Variants in NSL1 observed in about 807,000 individuals in gnomAD.
The protein encoded by NSL1 is NSL1 component of MIS12 kinetochore complex.
Under a neutral mutation model 25.4 loss-of-function variants are expected in NSL1, and 11 were observed. The ratio of observed to expected loss-of-function variants is 0.43; its 90% confidence interval spans 0.27 to 0.72. NSL1 has a LOEUF of 0.72. Among genes scored for constraint, NSL1 ranks in the 30% least tolerant of loss-of-function variants. NSL1 has a pLI of 0.19. For missense variants in NSL1, 330 were observed against 342.7 expected (o/e 0.96, Z 0.29); for synonymous variants, 118 against 120.6 (o/e 0.98, Z 0.14).
chr1:212,769,306 A>C (rs533047239), intron 4 of NSL1, among the ~76,000 whole-genome samples: 1 of 152,202 alleles, frequency 6.6e-6, no homozygotes, highest in Admixed American at 6.5e-5. Context: ...GTCTTCACCA[A>C]GGCACATTAT....
intron 4 of NSL1, among the ~76,000 whole-genome samples, chr1:212,770,340 CT>C (rs144920963): frequency 0.023 from 3,460 of 152,188 alleles, 61 homozygotes; most frequent in South Asian, 0.041. Flanking sequence ...GGCATTATAA[CT>C]GATACCACAG....
intron 4 of NSL1, among the ~76,000 whole-genome samples, chr1:212,753,253 T>C (rs1050283351): frequency 2.0e-5 from 3 of 151,978 alleles, no homozygotes; most frequent in African/African-American, 4.8e-5. Flanking sequence ...TGACCCTCGC[T>C]CGTTATTATC....
chr1:212,756,456 T>C (rs1659313117), intron 4 of NSL1, among the ~76,000 whole-genome samples: 1 of 152,188 alleles, frequency 6.6e-6, no homozygotes, highest in South Asian at 2.1e-4. Context: ...TTCAATCCTA[T>C]TTATATAAAA....
intron 3 of NSL1, among the ~76,000 whole-genome samples, chr1:212,782,831 TG>T (rs1460363440): frequency 6.6e-6 from 1 of 152,128 alleles, no homozygotes; most frequent in East Asian, 1.9e-4. Flanking sequence ...TTCTAAAAGG[TG>T]GCGAGGCTAC....
At position 212,731,266 on chromosome 1, in the gene NSL1, CTG is replaced by C; in HGVS notation, c.*7140_*7141del. ...AATAGTAAGTCTTATCTGAAATATA[CTG>C]TGATAGGCCAGGTGCAGTGGCTCAT... On this transcript the variant is annotated 3_prime_UTR_variant, in exon 6 of 6. Coordinates refer to ENST00000366977, the MANE Select transcript of NSL1 (RefSeq NM_015471.4). 1.0e-6 allele frequency: 1 copy of C among 984,888 alleles called. No homozygotes were observed. Among genetic ancestry groups the C allele is most frequent in the Non-Finnish European group, 1.2e-6 (1 of 829,838 alleles). 61.0% of individuals were successfully genotyped at this position (984,888 alleles called of 1,614,324 possible). A position where few individuals can be genotyped will look rare whatever the true frequency, so the allele number is the denominator to read the frequency against.
intron 4 of NSL1, chr1:212,782,104 A>C: frequency 1.5e-6 from 1 of 673,598 alleles, no homozygotes; most frequent in Non-Finnish European, 2.8e-6. Context: ...ATTAGAAGTT[A>C]GAGATGGGTA....
chr1:212,753,897 A>T (rs1333590062), intron 4 of NSL1, among the ~76,000 whole-genome samples: 2 of 152,202 alleles, frequency 1.3e-5, no homozygotes, highest in Non-Finnish European at 1.5e-5. Context: ...GTTAGGTAAG[A>T]TCTCTCTGAG....
At chr1:212,744,772 G>A (rs1658678843) in intron 4 of NSL1, among the ~76,000 whole-genome samples, 1 of 152,136 alleles carries the variant, frequency 6.6e-6, no homozygotes, top group South Asian at 2.1e-4. Flanking sequence ...TGGGCAGGCA[G>A]AAGAATTAAG....
chr1:212,771,624 A>AAAAAAAAAAAAAAAAAAAAAAAAAAAC (rs1660119567), intron 4 of NSL1, among the ~76,000 whole-genome samples: 1 of 149,198 alleles, frequency 6.7e-6, no homozygotes. Flanking sequence ...AAAAAAAAAA[A>AAAAAAAAAAAAAAAAAAAAAAAAAAAC]AAAAAAAACC....
At chr1:212,778,368 A>C (rs1660477647) in intron 4 of NSL1, among the ~76,000 whole-genome samples, 1 of 152,148 alleles carries the variant, frequency 6.6e-6, no homozygotes, top group East Asian at 1.9e-4. Flanking sequence ...AAAAACAGAC[A>C]ACCCTCTTTA....
intron 4 of NSL1, among the ~76,000 whole-genome samples, chr1:212,775,427 A>C (rs1238795429): frequency 6.6e-6 from 1 of 152,248 alleles, no homozygotes; most frequent in Non-Finnish European, 1.5e-5. Context: ...AAAGCCATTT[A>C]TAAAGAGTGT....
chr1:212,738,120 T>G lies in NSL1; in HGVS notation c.*288A>C, dbSNP rs1355552795. On this transcript the variant is annotated 3_prime_UTR_variant, in exon 6 of 6. Transcript: ENST00000366977. ...CAAAAGCTACAAGGGAGCTGAGAGTTGATGGCACTTAAGGACAGTAAAAGT... is the reference window on the plus strand; with the variant it reads ...CAAAAGCTACAAGGGAGCTGAGAGTGGATGGCACTTAAGGACAGTAAAAGT... 1.9e-6 allele frequency: 2 copies of G among 1,065,348 alleles called. No homozygotes were observed. Among genetic ancestry groups the G allele is most frequent in the East Asian group, 6.4e-5 (1 of 15,642 alleles). 66.0% of individuals were successfully genotyped at this position (1,065,348 alleles called of 1,614,324 possible).
chr1:212,742,358 A>G (rs901524865), intron 4 of NSL1, among the ~76,000 whole-genome samples: 2 of 152,190 alleles, frequency 1.3e-5, no homozygotes, highest in Non-Finnish European at 2.9e-5. Context: ...GTTACATAAG[A>G]AATAATAGAT....
At chr1:212,751,711 AT>A (rs5780699) in intron 4 of NSL1, among the ~76,000 whole-genome samples, 95,641 of 151,836 alleles carry the variant, frequency 0.63, 30,647 homozygotes, top group Non-Finnish European at 0.69. Context: ...TAATAAAACC[AT>A]TTTTTTTAAA....
At position 212,782,874 on chromosome 1, in the gene NSL1, G is replaced by A. The variant is rs563313312; in HGVS notation, c.445-448C>T. 9.9e-5 allele frequency among the ~76,000 whole-genome samples: 15 copies of A among 152,196 alleles called. No individual in the cohort carries two copies. The East Asian group carries it at 1.9e-3, about 20-fold the overall frequency. On this transcript the variant is annotated intron_variant, in intron 3 of 5. Coordinates refer to ENST00000366977, the MANE Select transcript of NSL1 (RefSeq NM_015471.4). ...ACCACACTAAGCCTATATATCCTGC[G>A]ACACACTGAAATTATAGTAGCAGAA... is the stretch of plus-strand genomic sequence containing the variant.
Position 212,727,433 on chromosome 1 carries a change from T to C in NSL1, c.*10975A>G. 9 of 985,352 alleles carry C rather than the reference T, an allele frequency of 9.1e-6. No individual in the cohort carries two copies. Among genetic ancestry groups the C allele is most frequent in the Non-Finnish European group, 1.1e-5 (9 of 829,898 alleles). 61.0% of individuals were successfully genotyped at this position (985,352 alleles called of 1,614,324 possible). A position where few individuals can be genotyped will look rare whatever the true frequency, so the allele number is the denominator to read the frequency against. Reference sequence around the variant, plus strand: ...CAAAATATACTCCTTGTAACAGACATTACCTAAATTTGGAAAAGTGACACA... The same window carrying C: ...CAAAATATACTCCTTGTAACAGACACTACCTAAATTTGGAAAAGTGACACA... On this transcript the variant is annotated 3_prime_UTR_variant, in exon 6 of 6. Coordinates refer to ENST00000366977, the MANE Select transcript of NSL1 (RefSeq NM_015471.4).
chr1:212,738,698 CA>C lies in NSL1; in HGVS notation c.568-13del, dbSNP rs747247078. 6.2e-7 allele frequency: 1 copy of C among 1,605,490 alleles called. No homozygotes were observed. Among genetic ancestry groups the C allele is most frequent in the South Asian group, 1.1e-5 (1 of 90,672 alleles). Reference sequence around the variant, plus strand: ...AATGCAGGCAAGGACTTCAAACAAACAAACAGTAATATTCAACATTAATCTC... The same window carrying C: ...AATGCAGGCAAGGACTTCAAACAAACAACAGTAATATTCAACATTAATCTC... On this transcript the variant is annotated splice_polypyrimidine_tract_variant and intron_variant, in intron 5 of 5. Transcript: ENST00000366977.
chr1:212,766,025 C>A (rs2102459434), intron 4 of NSL1, among the ~76,000 whole-genome samples: 1 of 150,362 alleles, frequency 6.7e-6, no homozygotes, highest in South Asian at 2.1e-4. Flanking sequence ...AGACCCAGCT[C>A]TTCCGGAGGC....
intron 2 of NSL1, among the ~76,000 whole-genome samples, chr1:212,786,512 T>C (rs1325541665): frequency 6.6e-6 from 1 of 151,922 alleles, no homozygotes; most frequent in African/African-American, 2.4e-5. Context: ...ACAATTAAAA[T>C]GTATCACAAA....
Sources: allele counts gnomAD v4.1 joint callset (sites outside exome capture counted in the v4.1 genomes callset), GRCh38; gene constraint gnomAD v4.1.1; transcripts MANE v1.5; gene names NCBI Gene and HGNC (gene_info 2026-07-23, HGNC 2026-07-21).